The following WDR70 variants were observed in gnomAD, a reference collection of about 807,000 sequenced individuals.
WDR70 encodes WD repeat domain 70.
In WDR70, 53 loss-of-function variants were observed where a neutral mutation model predicts 88.6. The observed-to-expected ratio is 0.60, with a 90% CI of 0.48 to 0.75. The LOEUF (loss-of-function observed/expected upper bound fraction) is 0.75, where lower values mean the gene tolerates loss of function less well. WDR70 is among the 30% of genes least tolerant of loss of function. The probability of loss-of-function intolerance (pLI) is 0.00; values close to 1 mark genes in which losing one functional copy is unlikely to be tolerated. For synonymous variants in WDR70, 280 were observed against 270.0 expected, an observed-to-expected ratio of 1.04 and a Z score of -0.36; for missense variants, 610 against 823.2, an observed-to-expected ratio of 0.74 and a Z score of 3.17.
chr5:37,731,885 T>A (rs1019184866), intron 17 of WDR70, among the ~76,000 whole-genome samples: 1 of 152,106 alleles, frequency 6.6e-6, no homozygotes, highest in African/African-American at 2.4e-5. Context: ...AAATGAAACA[T>A]CCAGAAGATA....
chr5:37,414,866 G>C (rs1749647550), intron 5 of WDR70, among the ~76,000 whole-genome samples: 2 of 149,928 alleles, frequency 1.3e-5, no homozygotes, highest in African/African-American at 5.0e-5. Context: ...AATAGTGGAG[G>C]GAAGGTCAGC....
Position 37,438,013 on chromosome 5 carries a change from C to G in WDR70, c.552+32C>G, listed in dbSNP as rs1466732003. On this transcript the variant is annotated intron_variant, in intron 6 of 17. Coordinates refer to ENST00000265107, the MANE Select transcript of WDR70 (RefSeq NM_018034.4). ...TTAAAAATCTAGTTTTTTCCTCTCT[C>G]AAATTACAGGGCTGTCATGGAAAAG... 10 of 1,573,942 alleles carry G rather than the reference C, an allele frequency of 6.4e-6. No homozygotes were observed. In the South Asian group the frequency reaches 1.1e-4, roughly 18 times the overall value.
intron 7 of WDR70, among the ~76,000 whole-genome samples, chr5:37,463,636 G>A (rs1391894327): frequency 6.6e-6 from 1 of 152,168 alleles, no homozygotes; most frequent in African/African-American, 2.4e-5. Flanking sequence ...GAGTTACTCC[G>A]TGAGAGAGCA....
At chr5:37,705,599 C>T (rs964125148) in intron 13 of WDR70, among the ~76,000 whole-genome samples, 2 of 151,668 alleles carry the variant, frequency 1.3e-5, no homozygotes, top group Non-Finnish European at 2.9e-5. Context: ...TTTAACAGTC[C>T]GTTTGACCTA....
At chr5:37,602,888 A>G (rs1743928428) in intron 9 of WDR70, among the ~76,000 whole-genome samples, 1 of 152,106 alleles carries the variant, frequency 6.6e-6, no homozygotes, top group African/African-American at 2.4e-5. Flanking sequence ...GAGGCAGGAG[A>G]ATTGCTTGAA....
intron 10 of WDR70, among the ~76,000 whole-genome samples, chr5:37,666,374 G>A (rs1745844065): frequency 6.6e-6 from 1 of 152,168 alleles, no homozygotes; most frequent in Admixed American, 6.5e-5. Context: ...TTTCCTTATT[G>A]CCAGTTAGTA....
chr5:37,488,497 C>G (rs1389355192), intron 8 of WDR70, among the ~76,000 whole-genome samples: 1 of 53,808 alleles, frequency 1.9e-5, no homozygotes, highest in Admixed American at 3.2e-4. Context: ...CTTTTTTGTT[C>G]TTTACTTTTT....
intron 9 of WDR70, among the ~76,000 whole-genome samples, chr5:37,547,962 A>G (rs1241173842): frequency 6.6e-6 from 1 of 152,184 alleles, no homozygotes; most frequent in East Asian, 1.9e-4. Context: ...CCATGTTGTT[A>G]CAAATGACTG....
At chr5:37,561,012 A>G (rs1179864872) in intron 9 of WDR70, among the ~76,000 whole-genome samples, 1 of 151,842 alleles carries the variant, frequency 6.6e-6, no homozygotes, top group Non-Finnish European at 1.5e-5. Flanking sequence ...AGCTTGGCTG[A>G]GCCGGCCATG....
chr5:37,516,657 G>A (rs534208399), intron 9 of WDR70, 67 bp downstream of exon 9: 2 of 1,068,246 alleles, frequency 1.9e-6, no homozygotes, highest in South Asian at 3.5e-5. Context: ...CGTTTGGATT[G>A]TTACAATCTT....
At chr5:37,641,411 CTTTTTTTTTT>C (rs70978833) in intron 10 of WDR70, among the ~76,000 whole-genome samples, 3 of 80,340 alleles carry the variant, frequency 3.7e-5, no homozygotes, top group East Asian at 3.8e-4. Flanking sequence ...TGTCCACATC[CTTTTTTTTTT>C]TTTTTTTTTT....
At chr5:37,466,478 G>A (rs886451472) in intron 7 of WDR70, among the ~76,000 whole-genome samples, 16 of 151,274 alleles carry the variant, frequency 1.1e-4, no homozygotes, top group South Asian at 6.3e-4. Flanking sequence ...AGGCCGAGGC[G>A]GGCAGATCAT....
At chr5:37,548,067 G>A (rs1742044621) in intron 9 of WDR70, among the ~76,000 whole-genome samples, 1 of 152,024 alleles carries the variant, frequency 6.6e-6, no homozygotes, top group Non-Finnish European at 1.5e-5. Context: ...CTTAGTTTGG[G>A]TTCAAATTTT....
At chr5:37,483,681 G>T (rs912556824) in intron 8 of WDR70, among the ~76,000 whole-genome samples, 4 of 150,910 alleles carry the variant, frequency 2.7e-5, no homozygotes, top group Admixed American at 2.6e-4. Context: ...GGGCGGCCAG[G>T]CAGAGGCGCC....
In WDR70 at chr5:37,439,369, GA is replaced by G. The variant is rs1164808360; in HGVS notation, c.552+1390del. 4.6e-5 allele frequency among the ~76,000 whole-genome samples: 7 copies of G among 152,066 alleles called. No homozygotes were observed. The East Asian group carries it at 1.2e-3, about 25-fold the overall frequency. ...ATATTTTTGTTCTGAAATTATGATG[GA>G]ATTCTACTTTTTGTGTTTTTAAGTA... On this transcript the variant is annotated intron_variant, in intron 6 of 17. Transcript: ENST00000265107.
intron 9 of WDR70, among the ~76,000 whole-genome samples, chr5:37,557,904 C>A: frequency 2.3e-5 from 3 of 129,254 alleles, no homozygotes; most frequent in Admixed American, 7.8e-5. Flanking sequence ...CAGATTTATA[C>A]TCTTTTGAAA....
chr5:37,636,248 A>G (rs1744962048), intron 10 of WDR70, among the ~76,000 whole-genome samples: 2 of 152,230 alleles, frequency 1.3e-5, no homozygotes, highest in Admixed American at 6.5e-5. Flanking sequence ...ACTATAACCC[A>G]TAGAATAAGT....
At chr5:37,521,560 C>T (rs575724909) in intron 9 of WDR70, among the ~76,000 whole-genome samples, 69 of 152,308 alleles carry the variant, frequency 4.5e-4, no homozygotes, top group Admixed American at 9.2e-4. Flanking sequence ...CATTGCTTAG[C>T]TCCCACATGT....
intron 9 of WDR70, among the ~76,000 whole-genome samples, chr5:37,534,446 T>C (rs1173768965): frequency 6.6e-6 from 1 of 152,052 alleles, no homozygotes; most frequent in Non-Finnish European, 1.5e-5. Flanking sequence ...TCATAGTATA[T>C]TGTACCTTTG....
Sources: allele counts gnomAD v4.1 joint callset (sites outside exome capture counted in the v4.1 genomes callset), GRCh38; gene constraint gnomAD v4.1.1; transcripts MANE v1.5; gene names NCBI Gene and HGNC (gene_info 2026-07-23, HGNC 2026-07-21).